Variants in CFAP47 observed in about 807,000 individuals in gnomAD.
CFAP47 encodes the protein cilia and flagella associated protein 47.
A neutral mutation model predicts 148.1 loss-of-function variants in CFAP47; 29 were observed. That is an observed-to-expected ratio of 0.20 (90% CI 0.15 to 0.27). The LOEUF is 0.27. Among genes scored for constraint, CFAP47 ranks in the 10% least tolerant of loss-of-function variants. CFAP47 has a pLI of 1.00. For synonymous variants in CFAP47, 664 were observed against 577.3 expected, an observed-to-expected ratio of 1.15 and a Z score of -2.15; for missense variants, 1,872 against 1,697.5, an observed-to-expected ratio of 1.10 and a Z score of -1.81.
At chrX:36,092,282 T>C (rs1208475085) in intron 30 of CFAP47, among the ~76,000 whole-genome samples, 2 of 111,588 alleles carry the variant, frequency 1.8e-5, no homozygotes, top group East Asian at 5.6e-4. Context: ...GATAATGAAT[T>C]ACCTTACACA....
chrX:36,274,894 ATCCTTGTCTTGTTTCTGATC>A (rs1940997182), intron 49 of CFAP47, among the ~76,000 whole-genome samples: 10 of 111,693 alleles, frequency 9.0e-5, no homozygotes, highest in Non-Finnish European at 1.9e-4. Flanking sequence ...AAATACAGGC[ATCCTTGTCTTGTTTCTGATC>A]TTAGAGGAAG....
intron 22 of CFAP47, among the ~76,000 whole-genome samples, chrX:36,025,620 G>A (rs1937207531): frequency 9.0e-6 from 1 of 111,022 alleles, no homozygotes; most frequent in African/African-American, 3.3e-5. Flanking sequence ...AAAGTAAGAT[G>A]GTGTCTATAA....
At chrX:36,174,356 G>T (rs1433659950) in intron 39 of CFAP47, among the ~76,000 whole-genome samples, 1 of 108,970 alleles carries the variant, frequency 9.2e-6, no homozygotes, top group African/African-American at 3.3e-5. Context: ...ATGTTAGCTG[G>T]TTATTTTGCT....
intron 21 of CFAP47, among the ~76,000 whole-genome samples, chrX:36,012,820 T>G (rs1281662496): frequency 9.0e-6 from 1 of 111,013 alleles, no homozygotes; most frequent in African/African-American, 3.3e-5. Context: ...ATCCTGGAAC[T>G]TAAAATAAAA....
intron 1 of CFAP47, among the ~76,000 whole-genome samples, chrX:35,924,188 T>C (rs111066082): frequency 0.033 from 3,248 of 98,457 alleles, 386 homozygotes; most frequent in African/African-American, 0.14. Context: ...TGCGTACATG[T>C]ATGTGTATAT....
chrX:35,935,321 CCT>C (rs1460149314), intron 2 of CFAP47, among the ~76,000 whole-genome samples: 1 of 111,797 alleles, frequency 8.9e-6, no homozygotes, highest in African/African-American at 3.3e-5. Flanking sequence ...GCTTAGTTCC[CCT>C]GTTTTACTTT....
At chrX:36,120,350 T>C (rs1368965788) in intron 33 of CFAP47, among the ~76,000 whole-genome samples, 1 of 111,236 alleles carries the variant, frequency 9.0e-6, no homozygotes, top group African/African-American at 3.3e-5. Flanking sequence ...TTTATTTTCT[T>C]CATTTTGAAT....
intron 30 of CFAP47, among the ~76,000 whole-genome samples, chrX:36,085,824 A>G (rs1938077407): frequency 9.1e-6 from 1 of 110,414 alleles, no homozygotes; most frequent in South Asian, 3.8e-4. Flanking sequence ...TTTATCATGC[A>G]TCAAAATCAC....
intron 8 of CFAP47, among the ~76,000 whole-genome samples, chrX:35,960,580 G>A (rs1392116154): frequency 9.1e-6 from 1 of 109,946 alleles, no homozygotes; most frequent in Non-Finnish European, 1.9e-5. Flanking sequence ...TACAAGTCTT[G>A]CAATTATTTT....
At chrX:36,199,068 C>T (rs1939948734) in intron 42 of CFAP47, among the ~76,000 whole-genome samples, 1 of 111,872 alleles carries the variant, frequency 8.9e-6, no homozygotes, top group Admixed American at 9.5e-5. Context: ...ATCGTCCAAA[C>T]ATCCAAGCTG....
In CFAP47 at chrX:36,145,341, G is replaced by A. The variant is rs1027362066; in HGVS notation, c.5658G>A (p.Thr1886=). 1.4e-5 allele frequency: 4 copies of A among 294,765 alleles called. No homozygotes were observed. Among genetic ancestry groups the A allele is most frequent in the Non-Finnish European group, 2.4e-5 (4 of 169,714 alleles). The allele number at this position is 294,765 out of a possible 1,213,427, so 24.3% of individuals were successfully genotyped here. A position where few individuals can be genotyped will look rare whatever the true frequency, so the allele number is the denominator to read the frequency against. The change falls in exon 36 of 64, where the codon ACG becomes ACA. Residue 1886 remains threonine (T), a synonymous_variant. Transcript: ENST00000378653. ...VVSFECTLHD[T]VLNKILLKNS... ...CCTTTGAATGTACTCTACATGACAC[G>A]GTGCTGAATAAGGTAAGGATAATTT... is the stretch of plus-strand genomic sequence containing the variant.
chrX:35,970,195 G>T lies in CFAP47; in HGVS notation c.1815-573G>T, dbSNP rs1005876550. 3.7e-5 allele frequency among the ~76,000 whole-genome samples: 4 copies of T among 109,584 alleles called. 1 individual carries two copies. The highest frequency in any genetic ancestry group is 1.3e-4 in the African/African-American group (4 of 30,169). On this transcript the variant is annotated intron_variant, in intron 10 of 63. Transcript: ENST00000378653. The stretch of plus-strand genomic sequence containing the variant: ...TTTTTTTTAATTGAAAATATATGGT[G>T]GGTAAAAAGGAAGAGCATAAACCCA...
At chrX:35,968,670 C>A (rs1348568968) in intron 10 of CFAP47, among the ~76,000 whole-genome samples, 5 of 110,907 alleles carry the variant, frequency 4.5e-5, no homozygotes. Flanking sequence ...ATTTTTAGGA[C>A]ATAATTGTTT....
chrX:36,146,181 AG>A (rs1473557886), intron 36 of CFAP47, among the ~76,000 whole-genome samples: 1 of 111,640 alleles, frequency 9.0e-6, no homozygotes, highest in African/African-American at 3.3e-5. Context: ...AAGAGTTAAA[AG>A]TTTTTTGCTT....
chrX:36,173,432 C>A (rs1045853178), intron 39 of CFAP47, among the ~76,000 whole-genome samples: 4 of 111,615 alleles, frequency 3.6e-5, no homozygotes, highest in African/African-American at 1.3e-4. Flanking sequence ...CTCTTGTGGG[C>A]ATTTAGTGCT....
intron 26 of CFAP47, among the ~76,000 whole-genome samples, chrX:36,050,028 C>T (rs1406337175): frequency 8.9e-6 from 1 of 112,020 alleles, no homozygotes; most frequent in Non-Finnish European, 1.9e-5. Flanking sequence ...GCTTCTCCTT[C>T]ACTTTCTGCC....
At chrX:35,990,521 A>G (rs745808162) in intron 16 of CFAP47, among the ~76,000 whole-genome samples, 39 of 111,492 alleles carry the variant, frequency 3.5e-4, no homozygotes, top group Middle Eastern at 9.2e-3. Context: ...ATTTTTCGAT[A>G]AGCAAAGTGC....
At chrX:35,999,747 A>T in intron 19 of CFAP47, among the ~76,000 whole-genome samples, 1 of 111,882 alleles carries the variant, frequency 8.9e-6, no homozygotes, top group Middle Eastern at 4.6e-3. Context: ...AGGGTGAAGC[A>T]TCAGGTGTTG....
chrX:36,285,525 A>G, intron 50 of CFAP47, 104 bp from the exon 51 acceptor site: 1 of 421,791 alleles, frequency 2.4e-6, no homozygotes, highest in Middle Eastern at 5.5e-4. Flanking sequence ...AAAGTCCATT[A>G]AACAAAAAGG....
Sources: allele counts gnomAD v4.1 joint callset (sites outside exome capture counted in the v4.1 genomes callset), GRCh38; gene constraint gnomAD v4.1.1; transcripts MANE v1.5; gene names NCBI Gene and HGNC (gene_info 2026-07-23, HGNC 2026-07-21).